The following MYO19 variants were observed in gnomAD, a reference collection of about 807,000 sequenced individuals.
MYO19 encodes the protein unconventional myosin-XIX.
A neutral mutation model predicts 129.2 loss-of-function variants in MYO19; 132 were observed. The ratio of observed to expected loss-of-function variants is 1.02; its 90% CI spans 0.89 to 1.18. The LOEUF is 1.18. MYO19 is among the 50% of genes most tolerant of loss of function. MYO19 has a pLI of 0.00. For synonymous variants in MYO19, 531 were observed against 477.2 expected, an observed-to-expected ratio of 1.11 and a Z score of -1.47; for missense variants, 1,210 against 1,216.7, an observed-to-expected ratio of 0.99 and a Z score of 0.08.
Position 36,496,208 on chromosome 17 carries a change from CAG to C in MYO19, c.*41_*42del. 6.2e-7 allele frequency: 1 copy of C among 1,608,244 alleles called. No homozygotes were observed. The highest frequency in any genetic ancestry group is 8.5e-7 in the Non-Finnish European group (1 of 1,176,068). ...TGCTGATTAAATGTCTTTGGCAAGG[CAG>C]GGGGCAGGAAAAGGCCTTGTGGAAA... is the stretch of plus-strand genomic sequence containing the variant. On this transcript the variant is annotated 3_prime_UTR_variant, in exon 26 of 26. Coordinates refer to ENST00000614623, the MANE Select transcript of MYO19 (RefSeq NM_001163735.2).
intron 6 of MYO19, among the ~76,000 whole-genome samples, chr17:36,516,725 TTTCA>T (rs1427259070): frequency 6.6e-6 from 1 of 152,234 alleles, no homozygotes; most frequent in Non-Finnish European, 1.5e-5. Flanking sequence ...TGAGGTATAC[TTTCA>T]TTTTAACTTC....
intron 1 of MYO19, 189 bp downstream of exon 1, chr17:36,534,572 G>A (rs2074020028): frequency 1.3e-5 from 2 of 152,322 alleles, no homozygotes; most frequent in African/African-American, 2.4e-5. Context: ...TCAAGCAAGA[G>A]CCAAGAGCTG....
chr17:36,502,161 G>A (rs1029543706), intron 21 of MYO19, among the ~76,000 whole-genome samples: 4 of 152,166 alleles, frequency 2.6e-5, no homozygotes, highest in South Asian at 2.1e-4. Context: ...GGGGCCCCCC[G>A]GCAGCCTGTC....
In MYO19 at chr17:36,513,733, G is replaced by A; in HGVS notation, c.721-8C>T. 6.2e-7 allele frequency: 1 copy of A among 1,612,472 alleles called. No homozygotes were observed. ...ACTGGCTCCTTTGCAAATCTGTGGA[G>A]AAGGGTAGGTGGGAGGCTGGGTAGG... On this transcript the variant is annotated splice_region_variant and splice_polypyrimidine_tract_variant and intron_variant, in intron 9 of 25. Transcript: ENST00000614623.
chr17:36,501,167 C>G lies in MYO19; in HGVS notation c.2149G>C (p.Val717Leu), dbSNP rs772669413. The part of the protein sequence containing the change: ...LIQDILHTLP[V>L]LTQAAAITGD... ...GTTATGGCTGCTGCCTGAGTTAGGA[C>G]CGGCAGAGTGTGGAGAATGTCCTGG... is the stretch of plus-strand genomic sequence containing the variant. The change falls in exon 22 of 26, where the codon GTC becomes CTC. Residue 717 changes from valine (V) to leucine (L), a missense_variant. By Grantham distance (32) the Val-to-Leu change is conservative. Coordinates refer to ENST00000614623, the MANE Select transcript of MYO19 (RefSeq NM_001163735.2). 6.2e-7 allele frequency: 1 copy of G among 1,614,062 alleles called. No individual in the cohort carries two copies. The highest frequency in any genetic ancestry group is 8.5e-7 in the Non-Finnish European group (1 of 1,179,902).
Position 36,514,995 on chromosome 17 carries a change from T to C in MYO19, c.617+118A>G. On this transcript the variant is annotated intron_variant, in intron 8 of 25. Coordinates refer to ENST00000614623, the MANE Select transcript of MYO19 (RefSeq NM_001163735.2). ...GAGCTCACACCTGAGGTAAAGGGCA[T>C]GCACCAGGAGGAGCAGGGTTTTTGC... is the stretch of plus-strand genomic sequence containing the variant. 3.7e-6 allele frequency: 3 copies of C among 815,086 alleles called. No individual in the cohort carries two copies. In the South Asian group the frequency reaches 5.3e-5, roughly 14 times the overall value. 50.5% of individuals were successfully genotyped at this position (815,086 alleles called of 1,614,324 possible).
rs2071891846 is a variant in MYO19, at chr17:36,506,446, T to G, written c.1797+10A>C. ...GAACCAAGCACCTCCCATCAGCACA[T>G]CAGACCCACCTTGAACTTGGACACC... On this transcript the variant is annotated intron_variant, in intron 18 of 25. Coordinates refer to ENST00000614623, the MANE Select transcript of MYO19 (RefSeq NM_001163735.2). 1.2e-6 allele frequency: 2 copies of G among 1,613,662 alleles called. No homozygotes were observed. The highest frequency in any genetic ancestry group is 2.2e-5 in the South Asian group (2 of 91,078).
At chr17:36,527,333 A>C (rs936355887) in intron 5 of MYO19, among the ~76,000 whole-genome samples, 7 of 152,210 alleles carry the variant, frequency 4.6e-5, no homozygotes, top group Admixed American at 2.6e-4. Context: ...AACTCAGTTA[A>C]ACAAATATTT....
intron 6 of MYO19, among the ~76,000 whole-genome samples, chr17:36,517,270 GTCT>G (rs1567767511): frequency 6.6e-6 from 1 of 151,474 alleles, no homozygotes; most frequent in African/African-American, 2.4e-5. Flanking sequence ...TTGTTTGTTT[GTCT>G]TCTTTAGAGG....
intron 20 of MYO19, among the ~76,000 whole-genome samples, chr17:36,503,427 C>T (rs914505143): frequency 6.6e-6 from 1 of 152,230 alleles, no homozygotes; most frequent in Admixed American, 6.5e-5. Flanking sequence ...CTCCCTGCTG[C>T]CTTGGTCTAC....
intron 5 of MYO19, 70 bp downstream of exon 5, chr17:36,527,480 AG>A: frequency 6.6e-7 from 1 of 1,515,870 alleles, no homozygotes; most frequent in East Asian, 2.3e-5. Flanking sequence ...GAATAAGGAC[AG>A]GGGTAACTGC....
rs751941771 is a variant in MYO19, at chr17:36,507,025, T to C, written c.1582A>G (p.Ile528Val). Residue 528 changes from isoleucine to valine, a missense_variant, in exon 17 of 26, where the codon ATT becomes GTT. Coordinates refer to ENST00000614623, the MANE Select transcript of MYO19 (RefSeq NM_001163735.2). ...ACAGGCCCCGCATAATGCACCACAA[T>C]GAAGCTGGGCTCCCGGCTGAGCTTA... ...HNKLSREPSFIVVHYAGPVRY... is the reference protein window; with the variant it reads ...HNKLSREPSFVVVHYAGPVRY... 4 of 1,613,548 alleles carry C rather than the reference T, an allele frequency of 2.5e-6. No homozygotes were observed. In the African/African-American group the frequency reaches 4.0e-5, roughly 16 times the overall value.
chr17:36,527,586 G>A lies in MYO19; in HGVS notation c.265C>T (p.Leu89=). The change falls in exon 5 of 26, where the codon CTA becomes TTA. Residue 89 remains leucine, a synonymous_variant. Transcript: ENST00000614623. ...GGCGCAGCATGGTACTCTCTCATTA[G>A]CTCGGGCGAGTAGAGCTGAGGAACA... ...KPVPQLYSPE[L]MREYHAAPQP... is the part of the protein sequence containing the mutation. The A allele has an allele frequency of 1.9e-6, 3 of 1,613,994 alleles. No individual in the cohort carries two copies. Among genetic ancestry groups the A allele is most frequent in the Non-Finnish European group, 1.7e-6 (2 of 1,179,888 alleles).
intron 5 of MYO19, among the ~76,000 whole-genome samples, chr17:36,526,717 T>C (rs2073489088): frequency 6.6e-6 from 1 of 151,976 alleles, no homozygotes; most frequent in South Asian, 2.1e-4. Context: ...TGAAACCCCA[T>C]CTCTACTAAA....
chr17:36,514,676 G>T, intron 8 of MYO19, 128 bp from the exon 9 acceptor site: 2 of 662,618 alleles, frequency 3.0e-6, no homozygotes, highest in Non-Finnish European at 5.4e-6. Flanking sequence ...TAGCCAATGG[G>T]CACTGAGGGG....
chr17:36,505,268 C>A (rs1424172976), intron 19 of MYO19, 29 bp downstream of exon 19: 2 of 1,593,706 alleles, frequency 1.3e-6, no homozygotes, highest in Non-Finnish European at 1.7e-6. Context: ...GGGTTTGGTG[C>A]GAAGCAGCTT....
At chr17:36,521,389 G>A (rs1426057483) in intron 6 of MYO19, among the ~76,000 whole-genome samples, 2 of 151,884 alleles carry the variant, frequency 1.3e-5, no homozygotes, top group African/African-American at 2.4e-5. Context: ...ACAAATATTC[G>A]AAGTTCCAAA....
chr17:36,536,077 G>A (rs539311813), upstream of MYO19, among the ~76,000 whole-genome samples: 1 of 152,146 alleles, frequency 6.6e-6, no homozygotes, highest in South Asian at 2.1e-4. Context: ...TGTTCTTCCA[G>A]TATGCCGTTT....
In MYO19 at chr17:36,532,553, G is replaced by A; in HGVS notation, c.-15C>T. The stretch of plus-strand genomic sequence containing the variant: ...TGCTGGAGCATCCTCCTTCAAAGTG[G>A]TCAGCCAGGGTTCTGGGTTGCAGGA... On this transcript the variant is annotated 5_prime_UTR_variant, in exon 3 of 26. Coordinates refer to ENST00000614623, the MANE Select transcript of MYO19 (RefSeq NM_001163735.2). 1.3e-6 allele frequency: 2 copies of A among 1,554,294 alleles called. No homozygotes were observed. The highest frequency in any genetic ancestry group is 1.2e-5 in the South Asian group (1 of 84,134).
Sources: allele counts gnomAD v4.1 joint callset (sites outside exome capture counted in the v4.1 genomes callset), GRCh38; gene constraint gnomAD v4.1.1; transcripts MANE v1.5; gene names NCBI Gene and HGNC (gene_info 2026-07-23, HGNC 2026-07-21).